The following SYT12 variants were observed in gnomAD, a reference collection of about 807,000 sequenced individuals.
The protein encoded by SYT12 is synaptotagmin 12.
Under a neutral mutation model 39.5 loss-of-function variants are expected in SYT12, and 27 were observed. That is an observed-to-expected ratio of 0.68 (90% CI 0.50 to 0.94). SYT12 has a LOEUF of 0.94. Among genes scored for constraint, SYT12 ranks in the 40% least tolerant of loss-of-function variants. The probability of loss-of-function intolerance (pLI) is 0.00; values close to 1 mark genes in which losing one functional copy is unlikely to be tolerated. For missense variants in SYT12, 536 were observed against 572.6 expected (o/e 0.94, Z 0.65); for synonymous variants, 233 against 239.7 (o/e 0.97, Z 0.26).
At chr11:67,028,657 G>C (rs1231599538) in intron 1 of SYT12, 1 of 152,222 alleles carries the variant, frequency 6.6e-6, no homozygotes, top group Non-Finnish European at 1.5e-5. Flanking sequence ...GAACCTACAG[G>C]ATGCTCCGAG....
intron 4 of SYT12, among the ~76,000 whole-genome samples, chr11:67,041,480 A>G (rs566076489): frequency 1.3e-5 from 2 of 152,320 alleles, no homozygotes; most frequent in Non-Finnish European, 2.9e-5. Context: ...CAAAAATAAT[A>G]AATAAATAAA....
chr11:67,048,743 G>C lies in SYT12; in HGVS notation c.1252G>C (p.Val418Leu), dbSNP rs547305543. ...LRRPVSMWHA[V>L]RRN ...CAGGCCCGTGTCCATGTGGCACGCT[G>C]TCCGGCGAAACTAGCAACCAGGGCG... The change falls in exon 8 of 8, where the codon GTC becomes CTC. Residue 418 changes from valine (V) to leucine (L), a missense_variant. Physicochemically the swap from Val to Leu is conservative, Grantham distance 32. Coordinates refer to ENST00000527043, the MANE Select transcript of SYT12 (RefSeq NM_177963.4). The C allele has an allele frequency of 6.3e-7, 1 of 1,595,326 alleles. No homozygotes were observed. Among genetic ancestry groups the C allele is most frequent in the Non-Finnish European group, 8.6e-7 (1 of 1,165,018 alleles).
chr11:67,017,513 C>G (rs1414074336), intron 3 of SYT12, among the ~76,000 whole-genome samples: 1 of 151,978 alleles, frequency 6.6e-6, no homozygotes, highest in Non-Finnish European at 1.5e-5. Context: ...ATGCCTGCCA[C>G]CACGCCCGGC....
intron 7 of SYT12, among the ~76,000 whole-genome samples, chr11:67,046,426 C>G (rs1051626117): frequency 2.0e-5 from 3 of 152,202 alleles, no homozygotes; most frequent in African/African-American, 7.2e-5. Flanking sequence ...ACCACCTTCC[C>G]TCACTATCTC....
chr11:67,025,017 G>C (rs983196729), intron 1 of SYT12, among the ~76,000 whole-genome samples: 2 of 152,182 alleles, frequency 1.3e-5, no homozygotes, highest in African/African-American at 4.8e-5. Flanking sequence ...TGGGGGAAGT[G>C]GGGGGCTCTT....
upstream of SYT12, among the ~76,000 whole-genome samples, chr11:67,018,474 A>G (rs185208559): frequency 1.3e-5 from 2 of 152,180 alleles, no homozygotes; most frequent in African/African-American, 4.8e-5. Flanking sequence ...GCAATGAGCC[A>G]TGATCTTACC....
intron 4 of SYT12, among the ~76,000 whole-genome samples, chr11:67,040,911 T>C (rs1002483056): frequency 2.6e-5 from 4 of 152,086 alleles, no homozygotes; most frequent in African/African-American, 9.6e-5. Flanking sequence ...CCCAGCACTT[T>C]GGGAGGCCAA....
At chr11:67,020,759 G>A (rs1950101201), upstream of SYT12, among the ~76,000 whole-genome samples, 1 of 152,056 alleles carries the variant, frequency 6.6e-6, no homozygotes, top group South Asian at 2.1e-4. Context: ...TTTAGACGGA[G>A]TCTCTGTCGC....
chr11:67,029,391 T>C (rs1464553713), intron 1 of SYT12: 1 of 152,244 alleles, frequency 6.6e-6, no homozygotes, highest in Non-Finnish European at 1.5e-5. Flanking sequence ...ACCTACTGCG[T>C]CGCCGCTGGT....
At chr11:67,017,776 A>G (rs913904457) in intron 3 of SYT12, among the ~76,000 whole-genome samples, 1 of 151,632 alleles carries the variant, frequency 6.6e-6, no homozygotes. Flanking sequence ...CCTGGCCAAC[A>G]TGGTGAAACC....
chr11:67,017,615 C>T (rs1950068374), intron 3 of SYT12, among the ~76,000 whole-genome samples: 1 of 151,532 alleles, frequency 6.6e-6, no homozygotes, highest in Non-Finnish European at 1.5e-5. Flanking sequence ...CTGCCTCAGC[C>T]TCCCAGAGTG....
chr11:67,038,659 G>A (rs1591371069), intron 3 of SYT12, among the ~76,000 whole-genome samples: 1 of 152,134 alleles, frequency 6.6e-6, no homozygotes, highest in East Asian at 1.9e-4. Context: ...ACAACTTGAT[G>A]TATGGAATTC....
intron 3 of SYT12, among the ~76,000 whole-genome samples, chr11:67,037,193 G>A (rs189814753): frequency 2.0e-5 from 3 of 152,176 alleles, no homozygotes; most frequent in Non-Finnish European, 2.9e-5. Flanking sequence ...AGCCAAGATC[G>A]TGGCAGTGCA....
upstream of SYT12, among the ~76,000 whole-genome samples, chr11:67,021,508 G>C (rs564718710): frequency 7.9e-5 from 12 of 152,024 alleles, no homozygotes; most frequent in South Asian, 2.1e-4. Flanking sequence ...TCGAACTCCT[G>C]GCCTCAAGTG....
rs1950245162 is a variant in SYT12, at chr11:67,030,488, G to A, written c.34+310G>A. 8 of 360,732 alleles carry A rather than the reference G, an allele frequency of 2.2e-5. No individual in the cohort carries two copies. In the Admixed American group the frequency reaches 3.2e-4, roughly 14 times the overall value. The allele number at this position is 360,732 out of a possible 1,614,324, so 22.3% of individuals were successfully genotyped here. ...CACCCTGGGGATGAGCCTGTGACTC[G>A]GAATCCACTCACCGAGGCCTTCTGT... On this transcript the variant is annotated intron_variant, in intron 2 of 7. Coordinates refer to ENST00000527043, the MANE Select transcript of SYT12 (RefSeq NM_177963.4).
At chr11:67,035,038 T>G (rs1950333382) in intron 3 of SYT12, among the ~76,000 whole-genome samples, 200 bp downstream of exon 3, 1 of 147,750 alleles carries the variant, frequency 6.8e-6, no homozygotes, top group South Asian at 2.1e-4. Context: ...AGATAGAGTT[T>G]CCCTCTTGTT....
chr11:67,032,431 A>G (rs1308425347), intron 2 of SYT12: 1 of 152,190 alleles, frequency 6.6e-6, no homozygotes. Flanking sequence ...GGACCGCTGG[A>G]TGGGGGATGT....
At chr11:67,021,584 A>G (rs1049027243), upstream of SYT12, among the ~76,000 whole-genome samples, 21 of 151,948 alleles carry the variant, frequency 1.4e-4, no homozygotes, top group Admixed American at 7.2e-4. Flanking sequence ...CCTGGCCTCA[A>G]CTTTGTCTTT....
rs1364080099 is a variant in SYT12, at chr11:67,049,462, G to C, written c.*705G>C. On this transcript the variant is annotated 3_prime_UTR_variant, in exon 8 of 8. Coordinates refer to ENST00000527043, the MANE Select transcript of SYT12 (RefSeq NM_177963.4). ...GGCCACGTGGAACACTGGCTCCGGA[G>C]TTATTCTCTGTCAAATCTACTCCCC... The C allele has an allele frequency of 6.6e-6, 1 of 152,298 alleles. No individual in the cohort carries two copies. Among genetic ancestry groups the C allele is most frequent in the African/African-American group, 2.4e-5 (1 of 41,460 alleles). 9.4% of individuals were successfully genotyped at this position (152,298 alleles called of 1,614,324 possible).
Sources: allele counts gnomAD v4.1 joint callset (sites outside exome capture counted in the v4.1 genomes callset), GRCh38; gene constraint gnomAD v4.1.1; transcripts MANE v1.5; gene names NCBI Gene and HGNC (gene_info 2026-07-23, HGNC 2026-07-21).